Variants in ADAMTSL1 observed in about 807,000 individuals in gnomAD.
ADAMTSL1 encodes the protein ADAMTS-like protein 1.
A neutral mutation model predicts 201.8 loss-of-function variants in ADAMTSL1; 126 were observed. The ratio of observed to expected loss-of-function variants is 0.62; its 90% CI spans 0.54 to 0.72. ADAMTSL1 has a LOEUF of 0.72. Ranked by LOEUF, ADAMTSL1 falls within the 30% of genes least tolerant of loss-of-function variation. The probability of loss-of-function intolerance (pLI) is 0.00; values close to 1 mark genes in which losing one functional copy is unlikely to be tolerated. For synonymous variants in ADAMTSL1, 1,121 were observed against 903.4 expected, an observed-to-expected ratio of 1.24 and a Z score of -4.32; for missense variants, 2,679 against 2,277.8, an observed-to-expected ratio of 1.18 and a Z score of -3.59.
At chr9:18,580,851 G>T (rs929271618) in intron 4 of ADAMTSL1, among the ~76,000 whole-genome samples, 2 of 152,142 alleles carry the variant, frequency 1.3e-5, no homozygotes, top group Admixed American at 1.3e-4. Flanking sequence ...AAGTAAATAT[G>T]AAAGTGTACT....
intron 1 of ADAMTSL1, among the ~76,000 whole-genome samples, chr9:18,041,234 G>A (rs1821413981): frequency 6.6e-6 from 1 of 152,138 alleles, no homozygotes. Flanking sequence ...TGGAATAAAT[G>A]GCTGTTTTCC....
intron 15 of ADAMTSL1, among the ~76,000 whole-genome samples, chr9:18,726,878 C>T (rs775279395): frequency 3.3e-5 from 5 of 152,150 alleles, no homozygotes; most frequent in Non-Finnish European, 7.3e-5. Flanking sequence ...AGGAACAGTA[C>T]TTGGTTTCTG....
At chr9:18,251,709 T>C (rs147961272) in intron 2 of ADAMTSL1, among the ~76,000 whole-genome samples, 1 of 152,202 alleles carries the variant, frequency 6.6e-6, no homozygotes, top group Admixed American at 6.5e-5. Flanking sequence ...TTACAAATTG[T>C]TATCAGTTGT....
chr9:18,118,892 G>A (rs1265022470), intron 1 of ADAMTSL1, among the ~76,000 whole-genome samples: 4 of 152,144 alleles, frequency 2.6e-5, no homozygotes, highest in African/African-American at 4.8e-5. Context: ...CGCAAAGCAT[G>A]TGATTTCCAC....
At chr9:18,697,338 G>C (rs1286734896) in intron 13 of ADAMTSL1, among the ~76,000 whole-genome samples, 1 of 152,146 alleles carries the variant, frequency 6.6e-6, no homozygotes, top group Non-Finnish European at 1.5e-5. Context: ...TTATGGACAA[G>C]AAACATCTGT....
intron 4 of ADAMTSL1, among the ~76,000 whole-genome samples, chr9:18,579,147 A>G (rs1822927576): frequency 2.7e-5 from 4 of 150,914 alleles, no homozygotes; most frequent in African/African-American, 7.3e-5. Flanking sequence ...CATATACACC[A>G]TGGAATACTA....
chr9:18,393,050 G>A (rs1838116485), intron 2 of ADAMTSL1, among the ~76,000 whole-genome samples: 1 of 152,170 alleles, frequency 6.6e-6, no homozygotes, highest in African/African-American at 2.4e-5. Context: ...TTCTCTTAGA[G>A]TGCTTATTGA....
chr9:17,962,051 A>T (rs1316792025), intron 1 of ADAMTSL1, among the ~76,000 whole-genome samples: 5 of 152,342 alleles, frequency 3.3e-5, no homozygotes, highest in African/African-American at 1.2e-4. Flanking sequence ...AAAAGAAAAA[A>T]GAGTTGCTTA....
chr9:18,647,035 G>GGTAA (rs1827859720), intron 7 of ADAMTSL1, among the ~76,000 whole-genome samples: 1 of 152,012 alleles, frequency 6.6e-6, no homozygotes, highest in Non-Finnish European at 1.5e-5. Flanking sequence ...CTTTTTGGTT[G>GGTAA]GTAAGCTATT....
intron 1 of ADAMTSL1, among the ~76,000 whole-genome samples, chr9:17,955,676 G>A (rs931023130): frequency 6.6e-6 from 1 of 152,170 alleles, no homozygotes; most frequent in Admixed American, 6.5e-5. Context: ...GATGTTATCT[G>A]CATGTCAGTC....
intron 2 of ADAMTSL1, among the ~76,000 whole-genome samples, chr9:18,200,646 C>G (rs1000215591): frequency 5.3e-5 from 8 of 151,874 alleles, no homozygotes; most frequent in African/African-American, 1.9e-4. Context: ...CTGCTTTTCT[C>G]TTTAGGGAAA....
intron 1 of ADAMTSL1, among the ~76,000 whole-genome samples, chr9:18,027,690 G>A (rs1407257273): frequency 6.6e-6 from 1 of 151,534 alleles, no homozygotes; most frequent in African/African-American, 2.4e-5. Flanking sequence ...TGTATATTCT[G>A]TGGTTGTTGG....
chr9:18,493,629 T>C (rs1223196608), intron 1 of ADAMTSL1, among the ~76,000 whole-genome samples: 2 of 152,204 alleles, frequency 1.3e-5, no homozygotes, highest in Non-Finnish European at 2.9e-5. Context: ...AAATTTAGAG[T>C]TGGCATAAAA....
chr9:18,872,947 A>G (rs1443452695), intron 23 of ADAMTSL1, among the ~76,000 whole-genome samples: 1 of 152,154 alleles, frequency 6.6e-6, no homozygotes, highest in Non-Finnish European at 1.5e-5. Flanking sequence ...CAGCAGTGTA[A>G]AAGTGTTCCT....
chr9:18,643,638 C>G (rs1240056151), intron 7 of ADAMTSL1, among the ~76,000 whole-genome samples: 2 of 151,884 alleles, frequency 1.3e-5, no homozygotes, highest in African/African-American at 4.8e-5. Flanking sequence ...GGAAGTTTTT[C>G]CAAACACTAC....
At chr9:18,174,522 T>C (rs1251081987) in intron 2 of ADAMTSL1, among the ~76,000 whole-genome samples, 1 of 152,166 alleles carries the variant, frequency 6.6e-6, no homozygotes, top group Non-Finnish European at 1.5e-5. Context: ...GAGAGGATAC[T>C]TCAGGCTGTG....
intron 2 of ADAMTSL1, among the ~76,000 whole-genome samples, chr9:18,249,977 T>C (rs558339478): frequency 2.6e-5 from 4 of 152,320 alleles, no homozygotes; most frequent in East Asian, 3.9e-4. Flanking sequence ...TATATACTTA[T>C]TACAAATAAA....
intron 8 of ADAMTSL1, among the ~76,000 whole-genome samples, chr9:18,659,818 C>T (rs1828951082): frequency 6.6e-6 from 1 of 151,804 alleles, no homozygotes; most frequent in African/African-American, 2.4e-5. Context: ...AATGAACTGT[C>T]AATTACTTTG....
At chr9:18,216,735 T>C (rs976444390) in intron 2 of ADAMTSL1, among the ~76,000 whole-genome samples, 3 of 151,904 alleles carry the variant, frequency 2.0e-5, no homozygotes, top group Admixed American at 2.0e-4. Context: ...TTCTCCTCCC[T>C]TCTACCCTGT....
Sources: allele counts gnomAD v4.1 joint callset (sites outside exome capture counted in the v4.1 genomes callset), GRCh38; gene constraint gnomAD v4.1.1; transcripts MANE v1.5; gene names NCBI Gene and HGNC (gene_info 2026-07-23, HGNC 2026-07-21).